The following PSIP1 variants were observed in gnomAD, a reference collection of about 807,000 sequenced individuals.
The protein encoded by PSIP1 is PC4 and SRSF1 interacting protein 1, also known as PC4 and SFRS1-interacting protein.
PSIP1 carries 19 observed loss-of-function variants against 74.7 expected under a neutral mutation model. The observed-to-expected ratio is 0.25, with a 90% CI of 0.18 to 0.37. The LOEUF is 0.37. Ranked by LOEUF, PSIP1 falls within the 10% of genes least tolerant of loss-of-function variation. The probability of loss-of-function intolerance (pLI) is 1.00; values close to 1 mark genes in which losing one functional copy is unlikely to be tolerated. For synonymous variants in PSIP1, 222 were observed against 195.3 expected (o/e 1.14, Z -1.14); for missense variants, 601 against 614.3 (o/e 0.98, Z 0.23).
At chr9:15,465,627 G>T in intron 15 of PSIP1, 47 bp from the exon 16 acceptor site, 1 of 1,438,070 alleles carries the variant, frequency 7.0e-7, no homozygotes, top group Non-Finnish European at 9.6e-7. Context: ...ATTTTCTCCT[G>T]ATGAAGGAAA....
At chr9:15,473,923 A>AAAAC (rs1046436352) in intron 9 of PSIP1, 86 bp downstream of exon 9, 18 of 797,208 alleles carry the variant, frequency 2.3e-5, no homozygotes, top group Admixed American at 1.2e-4. Context: ...AACAAAAAAA[A>AAAAC]AAACAAAAAA....
intron 3 of PSIP1, among the ~76,000 whole-genome samples, chr9:15,491,321 A>T (rs909477624): frequency 6.6e-6 from 1 of 152,260 alleles, no homozygotes; most frequent in Non-Finnish European, 1.5e-5. Context: ...TGCAAAAAAG[A>T]TACTTGCTTA....
intron 3 of PSIP1, among the ~76,000 whole-genome samples, chr9:15,501,840 C>CATATATATATAT (rs112671758): frequency 0.019 from 2,357 of 124,346 alleles, 98 homozygotes; most frequent in African/African-American, 0.066. Flanking sequence ...TATAAAACAG[C>CATATATATATAT]ATATATATAT....
intron 4 of PSIP1, 67 bp from the exon 5 acceptor site, chr9:15,486,998 T>C: frequency 2.9e-6 from 3 of 1,050,332 alleles, no homozygotes; most frequent in Non-Finnish European, 4.0e-6. Context: ...TACAATTCTT[T>C]ATTTTTATTT....
intron 2 of PSIP1, 99 bp from the exon 3 acceptor site, chr9:15,506,736 T>A: frequency 1.1e-6 from 1 of 922,346 alleles, no homozygotes; most frequent in Non-Finnish European, 1.6e-6. Flanking sequence ...GGTTCTGTTA[T>A]AAAATGGGCC....
rs1383474814 is a variant in PSIP1 at position 15,478,508 on chromosome 9, C to T, written c.598G>A (p.Val200Ile). 3.7e-6 allele frequency: 6 copies of T among 1,605,454 alleles called. No individual in the cohort carries two copies. Among genetic ancestry groups the T allele is most frequent in the African/African-American group, 2.7e-5 (2 of 74,614 alleles). The change falls in exon 8 of 16, where the codon GTA (valine) becomes ATA (isoleucine). Residue 200 changes from valine (V) to isoleucine (I), a missense_variant. Val to Ile is a conservative substitution (Grantham distance 29). This residue lies in a region of PSIP1 where 538 missense variants were observed against 507.6 expected (regional missense o/e 1.06). Transcript: ENST00000380733. ...CTCTCTGAAGGACAGGGCTGTTTTA[C>T]CATTTTGGGTCTGCCTCTTGGTTTT... ...IPKPRGRPKM[V>I]KQPCPSESDI...
chr9:15,485,021 T>C (rs181188811), intron 6 of PSIP1, among the ~76,000 whole-genome samples: 397 of 152,198 alleles, frequency 2.6e-3, no homozygotes, highest in Middle Eastern at 0.017. Context: ...AAGTTTCAGG[T>C]TGCAGTGAGG....
In PSIP1 at chr9:15,468,615, C is replaced by G; in HGVS notation, c.1420+15G>C. The G allele has an allele frequency of 6.2e-7, 1 of 1,612,010 alleles. No individual in the cohort carries two copies. The highest frequency in any genetic ancestry group is 8.5e-7 in the Non-Finnish European group (1 of 1,178,280). ...TTAAAAACTGGTGTGAAATTGTTGG[C>G]TTTTTACCACATACCTGTTTGTTCC... On this transcript the variant is annotated intron_variant, in intron 14 of 15. Coordinates refer to ENST00000380733, the MANE Select transcript of PSIP1 (RefSeq NM_033222.5).
chr9:15,501,111 A>T (rs1335973566), intron 3 of PSIP1, among the ~76,000 whole-genome samples: 1 of 152,172 alleles, frequency 6.6e-6, no homozygotes, highest in Non-Finnish European at 1.5e-5. Context: ...CAAATGACAA[A>T]GAAAAAAAAC....
intron 4 of PSIP1, 95 bp from the exon 5 acceptor site, chr9:15,487,026 T>A: frequency 1.4e-6 from 1 of 722,930 alleles, no homozygotes; most frequent in South Asian, 2.3e-5. Flanking sequence ...AGAGACAGGG[T>A]CTCACTCTAT....
intron 14 of PSIP1, among the ~76,000 whole-genome samples, chr9:15,468,162 G>A (rs993867045): frequency 6.6e-6 from 1 of 150,962 alleles, no homozygotes; most frequent in African/African-American, 2.4e-5. Flanking sequence ...TTAATACTGT[G>A]AAGTCTGTTC....
chr9:15,470,094 C>T, intron 10 of PSIP1, 101 bp from the exon 11 acceptor site: 1 of 905,372 alleles, frequency 1.1e-6, no homozygotes, highest in East Asian at 2.5e-5. Flanking sequence ...TAAAATAAGT[C>T]AATAGCCTAG....
rs138927414 is a variant in PSIP1 at position 15,467,108 on chromosome 9, G to A, written c.1421-249C>T. Among the ~76,000 whole-genome samples, 39 of 152,270 alleles carry A rather than the reference G, an allele frequency of 2.6e-4. No homozygotes were observed. In the East Asian group the frequency reaches 7.5e-3, roughly 29 times the overall value. On this transcript the variant is annotated intron_variant, in intron 14 of 15. Transcript: ENST00000380733. ...GTAGCTAAGGCACCATAAAAAGCAG[G>A]TTAACTATCTATGAGTACAGGAAGT...
At chr9:15,483,948 T>G (rs1037742786) in intron 6 of PSIP1, among the ~76,000 whole-genome samples, 1 of 151,798 alleles carries the variant, frequency 6.6e-6, no homozygotes, top group Non-Finnish European at 1.5e-5. Flanking sequence ...GCCACCATGG[T>G]GAAACCCCAT....
Position 15,466,849 on chromosome 9 carries a change from AGTCTTT to A in PSIP1, c.1425_1430del (p.Lys476_Thr477del), listed in dbSNP as rs2035658097. 7 of 1,612,432 alleles carry A rather than the reference AGTCTTT, an allele frequency of 4.3e-6. No homozygotes were observed. Among genetic ancestry groups the A allele is most frequent in the Non-Finnish European group, 5.9e-6 (7 of 1,179,372 alleles). On this transcript the variant is annotated inframe_deletion, in exon 15 of 16. Coordinates refer to ENST00000380733, the MANE Select transcript of PSIP1 (RefSeq NM_033222.5). ...CTTGAGCATCAGATCCTCCATTTAG[AGTCTTT>A]GACCCTTGCGAAGGAATCCAATGGA...
At position 15,469,258 on chromosome 9, in the gene PSIP1, A is replaced by G. The variant is rs538707745; in HGVS notation, c.1104+8T>C. On this transcript the variant is annotated splice_region_variant and intron_variant, in intron 12 of 15. Coordinates refer to ENST00000380733, the MANE Select transcript of PSIP1 (RefSeq NM_033222.5). ...GTACTGAAGTATTAAATGAAGTTAA[A>G]CACTTACAAGATTATCAATTTTGAG... 7 of 1,516,890 alleles carry G rather than the reference A, an allele frequency of 4.6e-6. No homozygotes were observed. In the East Asian group the frequency reaches 1.4e-4, roughly 29 times the overall value. The allele number at this position is 1,516,890 out of a possible 1,614,324, so 94.0% of individuals were successfully genotyped here. A position where few individuals can be genotyped will look rare whatever the true frequency, so the allele number is the denominator to read the frequency against.
At chr9:15,506,726 G>C in intron 2 of PSIP1, 89 bp from the exon 3 acceptor site, 2 of 980,194 alleles carry the variant, frequency 2.0e-6, no homozygotes, top group Admixed American at 2.2e-5. Flanking sequence ...CATCCAAAAG[G>C]GTTCTGTTAT....
At chr9:15,476,132 GATACACAGCC>G (rs1229933242) in intron 8 of PSIP1, among the ~76,000 whole-genome samples, 1 of 152,140 alleles carries the variant, frequency 6.6e-6, no homozygotes. Flanking sequence ...TGTGTGCCCA[GATACACAGCC>G]AAGAGTAGTT....
chr9:15,490,859 G>A (rs549011107), intron 3 of PSIP1, among the ~76,000 whole-genome samples: 1 of 152,134 alleles, frequency 6.6e-6, no homozygotes, highest in Admixed American at 6.5e-5. Flanking sequence ...AAAATAATCA[G>A]TGAGTATGTT....
Sources: allele counts gnomAD v4.1 joint callset (sites outside exome capture counted in the v4.1 genomes callset), GRCh38; gene constraint gnomAD v4.1.1; regional missense constraint gnomAD v4.1.1; transcripts MANE v1.5; gene names NCBI Gene and HGNC (gene_info 2026-07-23, HGNC 2026-07-21).